ZNF487: variants seen among roughly 807,000 people sequenced by gnomAD.
The protein encoded by ZNF487 is zinc finger protein 487.
ZNF487 carries 4 observed loss-of-function variants against 3.0 expected under a neutral mutation model. The ratio of observed to expected loss-of-function variants is 1.35; its 90% confidence interval spans 0.66 to 3.08. The LOEUF (loss-of-function observed/expected upper bound fraction) is 3.08, where lower values mean the gene tolerates loss of function less well. ZNF487 is among the 30% of genes most tolerant of loss of function. ZNF487 has a pLI of 0.01. For synonymous variants in ZNF487, 55 were observed against 34.6 expected, an observed-to-expected ratio of 1.59 and a Z score of -2.06; for missense variants, 146 against 98.7, an observed-to-expected ratio of 1.48 and a Z score of -2.03.
intron 1 of ZNF487, among the ~76,000 whole-genome samples, chr10:43,464,517 C>CGGCCTT (rs1432253873): frequency 3.9e-5 from 6 of 152,228 alleles, no homozygotes; most frequent in South Asian, 2.1e-4. Context: ...GAGGACCCTG[C>CGGCCTT]GGCCTTCCGC....
At chr10:43,486,418 C>G (rs188150335), downstream of ZNF487, among the ~76,000 whole-genome samples, 5 of 151,760 alleles carry the variant, frequency 3.3e-5, no homozygotes, top group Non-Finnish European at 5.9e-5. Context: ...CCCAGCTACT[C>G]GGGAGGCTGA....
At position 43,478,504 on chromosome 10, in the gene ZNF487, G is replaced by A. The variant is rs140868620; in HGVS notation, c.130+2302G>A. The stretch of plus-strand genomic sequence containing the variant: ...GGAGGGGGAGGTTGTGGTAAGCTGA[G>A]ATTGCGCCATTGCACTCCAGCTTGG... On this transcript the variant is annotated intron_variant, in intron 3 of 3. Transcript: ENST00000437590. Among the ~76,000 whole-genome samples, 1,296 of 152,316 alleles carry A rather than the reference G, an allele frequency of 8.5e-3. 11 individuals carry two copies. Among genetic ancestry groups the A allele is most frequent in the Non-Finnish European group, 0.014 (965 of 68,024 alleles).
chr10:43,496,848 T>C, the ZNF487 span, among the ~76,000 whole-genome samples: 201 of 152,218 alleles, frequency 1.3e-3, 3 homozygotes, highest in East Asian at 0.032. Flanking sequence ...TTAAGACTTT[T>C]ATTTTAGGTT....
the ZNF487 span, chr10:43,496,209 C>A: frequency 2.5e-6 from 1 of 405,928 alleles, no homozygotes; most frequent in South Asian, 1.8e-5. Flanking sequence ...TATACGTGAT[C>A]CTTTATAGAG....
At chr10:43,515,411 A>G in the ZNF487 span, among the ~76,000 whole-genome samples, 1 of 152,210 alleles carries the variant, frequency 6.6e-6, no homozygotes, top group Admixed American at 6.5e-5. Context: ...GGCTGATGGC[A>G]GCATGGGTCA....
chr10:43,517,393 G>A, the ZNF487 span, among the ~76,000 whole-genome samples: 2 of 152,178 alleles, frequency 1.3e-5, no homozygotes. Flanking sequence ...GCCCACCTTG[G>A]ATGGATTCCC....
At chr10:43,506,346 C>CA in the ZNF487 span, among the ~76,000 whole-genome samples, 2 of 151,834 alleles carry the variant, frequency 1.3e-5, no homozygotes, top group African/African-American at 2.4e-5. Context: ...AGACTTTGTA[C>CA]AAAAAATTGA....
chr10:43,514,651 C>A, the ZNF487 span, among the ~76,000 whole-genome samples: 1 of 152,200 alleles, frequency 6.6e-6, no homozygotes, highest in African/African-American at 2.4e-5. Context: ...GCCCACCTTG[C>A]CTTTGATGGT....
chr10:43,449,883 T>C (rs1422785935), intron 1 of ZNF487, among the ~76,000 whole-genome samples: 1 of 152,154 alleles, frequency 6.6e-6, no homozygotes, highest in Non-Finnish European at 1.5e-5. Flanking sequence ...TTTCCCCATG[T>C]TGGCCAGGCT....
chr10:43,498,095 ATATATTTTTTTTTTTTTTCTTTT>A, the ZNF487 span, among the ~76,000 whole-genome samples: 12 of 12,624 alleles, frequency 9.5e-4, no homozygotes, highest in Non-Finnish European at 1.3e-3. Context: ...ATATATATAT[ATATATTTTTTTTTTTTTTCTTTT>A]TTTTTTTTTT....
At chr10:43,519,408 T>TTAC in the ZNF487 span, among the ~76,000 whole-genome samples, 1 of 152,192 alleles carries the variant, frequency 6.6e-6, no homozygotes, top group African/African-American at 2.4e-5. Flanking sequence ...ATTTACCTTG[T>TTAC]TACTAGCCTG....
At chr10:43,464,863 C>T (rs947317113) in intron 1 of ZNF487, among the ~76,000 whole-genome samples, 2 of 152,210 alleles carry the variant, frequency 1.3e-5, no homozygotes, top group Non-Finnish European at 2.9e-5. Flanking sequence ...TCATCATGGC[C>T]CGTTCTTAAT....
intron 1 of ZNF487, among the ~76,000 whole-genome samples, chr10:43,444,402 T>C (rs1186601838): frequency 6.6e-6 from 1 of 152,182 alleles, no homozygotes; most frequent in Non-Finnish European, 1.5e-5. Flanking sequence ...TATTTATATA[T>C]AATTTCAGGG....
chr10:43,443,129 C>G (rs1030618211), intron 1 of ZNF487, among the ~76,000 whole-genome samples: 1 of 135,488 alleles, frequency 7.4e-6, no homozygotes, highest in East Asian at 2.3e-4. Context: ...ATGGCATGAT[C>G]TCTGCTCACT....
Position 43,475,801 on chromosome 10 carries a change from G to T in ZNF487, c.-13G>T, listed in dbSNP as rs766451125. 1.3e-6 allele frequency: 1 copy of T among 780,610 alleles called. No individual in the cohort carries two copies. Among genetic ancestry groups the T allele is most frequent in the Admixed American group, 1.7e-5 (1 of 58,860 alleles). The allele number at this position is 780,610 out of a possible 1,614,324, so 48.4% of individuals were successfully genotyped here. On this transcript the variant is annotated 5_prime_UTR_variant, in exon 2 of 4. Coordinates refer to ENST00000437590, the MANE Select transcript of ZNF487 (RefSeq NM_001355444.3). ...ATCTGGACTCTGCTCAGAGGACCCC[G>T]TACAGAGACATGATGCTGGAGAACT...
chr10:43,440,052 A>ATGT lies in ZNF487; in HGVS notation c.-94+2791_-94+2792insGTT, dbSNP rs147487158. On this transcript the variant is annotated intron_variant, in intron 1 of 3. Coordinates refer to ENST00000437590, the MANE Select transcript of ZNF487 (RefSeq NM_001355444.3). ...GGTAAGTTTTGTTTTATATATATAT[A>ATGT]TATTTTTTTTTTTGAGGCGAAGTTT... Among the ~76,000 whole-genome samples the ATGT allele has an allele frequency of 6.2e-3, 912 of 146,096 alleles. 22 individuals carry two copies. Among genetic ancestry groups the ATGT allele is most frequent in the African/African-American group, 0.018 (714 of 39,996 alleles).
intron 1 of ZNF487, among the ~76,000 whole-genome samples, chr10:43,461,407 ACTC>A (rs1360466951): frequency 6.7e-6 from 1 of 150,344 alleles, no homozygotes; most frequent in Non-Finnish European, 1.5e-5. Context: ...TCTCCCTTGA[ACTC>A]CTGGGCTCAA....
Position 43,448,319 on chromosome 10 carries a change from G to A in ZNF487, c.-94+11057G>A, listed in dbSNP as rs540303187. On this transcript the variant is annotated intron_variant, in intron 1 of 3. Transcript: ENST00000437590. ...GAAACCATTTTTGTCCTTACGTTTT[G>A]TCAAAAAATGTTTTTTTTTTCCAAT... Among the ~76,000 whole-genome samples, 167 of 151,690 alleles carry A rather than the reference G, an allele frequency of 1.1e-3. 1 individual carries two copies. Among genetic ancestry groups the A allele is most frequent in the Middle Eastern group, 3.4e-3 (1 of 294 alleles).
chr10:43,482,128 C>G lies in ZNF487; in HGVS notation c.*206C>G, dbSNP rs1383263876. 1 of 563,152 alleles carries G rather than the reference C, an allele frequency of 1.8e-6. No homozygotes were observed. Among genetic ancestry groups the G allele is most frequent in the African/African-American group, 1.9e-5 (1 of 53,364 alleles). 34.9% of individuals were successfully genotyped at this position (563,152 alleles called of 1,614,324 possible). On this transcript the variant is annotated 3_prime_UTR_variant, in exon 4 of 4. Coordinates refer to ENST00000437590, the MANE Select transcript of ZNF487 (RefSeq NM_001355444.3). ...GAATAGTTTTGGCAAGAAATCACTC[C>G]TCATTCTACAAAGTTACAGAGGAGA...
Sources: gnomAD v4.1 joint callset for allele counts (sites outside exome capture counted in the v4.1 genomes callset) on GRCh38, gnomAD v4.1.1 for gene constraint, MANE v1.5 for transcripts, NCBI Gene and HGNC (gene_info 2026-07-23, HGNC 2026-07-21) for gene names.